Variants in GAS6 observed in about 807,000 individuals in gnomAD.
GAS6 encodes the protein growth arrest-specific protein 6.
A neutral mutation model predicts 75.8 loss-of-function variants in GAS6; 41 were observed. That is an observed-to-expected ratio of 0.54 (90% CI 0.42 to 0.70). The LOEUF is 0.70. Among genes scored for constraint, GAS6 ranks in the 30% least tolerant of loss-of-function variants. The pLI, the probability that GAS6 is intolerant of heterozygous loss-of-function variation, is 0.00. For missense variants in GAS6, 854 were observed against 940.2 expected, an observed-to-expected ratio of 0.91 and a Z score of 1.20; for synonymous variants, 432 against 412.6, an observed-to-expected ratio of 1.05 and a Z score of -0.57.
intron 2 of GAS6, among the ~76,000 whole-genome samples, chr13:113,853,780 T>C (rs376023276): frequency 1.5e-4 from 23 of 152,338 alleles, no homozygotes; most frequent in African/African-American, 5.3e-4. Context: ...GAGCCTTCCT[T>C]TCTCAGCATT....
At chr13:113,853,156 C>G in intron 2 of GAS6, among the ~76,000 whole-genome samples, 1 of 152,230 alleles carries the variant, frequency 6.6e-6, no homozygotes, top group Non-Finnish European at 1.5e-5. Flanking sequence ...AGTGCATTAA[C>G]AAGACAGGAA....
At chr13:113,852,906 T>C (rs939128086) in intron 2 of GAS6, among the ~76,000 whole-genome samples, 9 of 152,126 alleles carry the variant, frequency 5.9e-5, no homozygotes, top group African/African-American at 2.2e-4. Flanking sequence ...GAGCTGTGGT[T>C]CAGAACAAGG....
intron 2 of GAS6, among the ~76,000 whole-genome samples, chr13:113,854,067 T>C (rs2138662081): frequency 6.6e-6 from 1 of 152,296 alleles, no homozygotes; most frequent in South Asian, 2.1e-4. Context: ...ATACCCGGCA[T>C]GCCCATCTGC....
rs975754315 is a variant in GAS6 at position 113,848,118 on chromosome 13, G to C, written c.256-68C>G. ...CTACGAGGGTCTCTGAACAACATAA[G>C]CATCAGCTGGTTAATCAGAGGCTGC... On this transcript the variant is annotated intron_variant, in intron 2 of 14. Transcript: ENST00000327773. This position sits in a 1 kb window ranked among gnomAD's most constrained non-coding sequence, Gnocchi z 4.8. The C allele has an allele frequency of 4.6e-6, 7 of 1,530,862 alleles. No individual in the cohort carries two copies. The Admixed American group carries it at 1.1e-4, about 25-fold the overall frequency. The allele number at this position is 1,530,862 out of a possible 1,614,324, so 94.8% of individuals were successfully genotyped here. A position where few individuals can be genotyped will look rare whatever the true frequency, so the allele number is the denominator to read the frequency against.
At chr13:113,842,961 G>A (rs767441406) in intron 4 of GAS6, 17 of 396,218 alleles carry the variant, frequency 4.3e-5, no homozygotes, top group African/African-American at 1.1e-4. Flanking sequence ...CACCTGCCCC[G>A]GGGCCTCCCC....
In GAS6 at chr13:113,845,584, A is replaced by C. The variant is rs1263328211; in HGVS notation, c.343+943T>G. 1.3e-5 allele frequency: 2 copies of C among 150,446 alleles called. No individual in the cohort carries two copies. The highest frequency in any genetic ancestry group is 3.9e-4 in the East Asian group (2 of 5,194). 9.3% of individuals were successfully genotyped at this position (150,446 alleles called of 1,614,324 possible). A position where few individuals can be genotyped will look rare whatever the true frequency, so the allele number is the denominator to read the frequency against. ...TGATAATTTTAAAATAATAAAAAAG[A>C]CTTGTGGCAAGCTGAAAAAATTTTT... is the stretch of plus-strand genomic sequence containing the variant. On this transcript the variant is annotated intron_variant, in intron 4 of 14. Coordinates refer to ENST00000327773, the MANE Select transcript of GAS6 (RefSeq NM_000820.4). This position sits in a 1 kb window ranked among gnomAD's most constrained non-coding sequence, Gnocchi z 4.3.
chr13:113,823,228 C>T (rs373228215), intron 13 of GAS6, 147 bp downstream of exon 13: 5 of 870,860 alleles, frequency 5.7e-6, no homozygotes, highest in Middle Eastern at 3.7e-4. Flanking sequence ...TGGCCCACGC[C>T]GGGCTTGGCT....
In GAS6 at chr13:113,823,517, G is replaced by A. The variant is rs752994393; in HGVS notation, c.1511C>T (p.Thr504Ile). 1 of 1,612,646 alleles carries A rather than the reference G, an allele frequency of 6.2e-7. No homozygotes were observed. Among genetic ancestry groups the A allele is most frequent in the Non-Finnish European group, 8.5e-7 (1 of 1,179,874 alleles). ...RTPLDVGTES[T>I]WEVEVVAHIR... ...GTGAGCCACGACTTCTACTTCCCAG[G>A]TTGATTCAGTCCCGACGTCCAGAGG... Residue 504 changes from threonine (T) to isoleucine (I), a missense_variant, in exon 13 of 15, where the codon ACC (threonine) becomes ATC (isoleucine). Thr to Ile is a moderately conservative substitution (Grantham distance 89). Coordinates refer to ENST00000327773, the MANE Select transcript of GAS6 (RefSeq NM_000820.4).
At chr13:113,862,046 T>A (rs1170288700) in intron 2 of GAS6, among the ~76,000 whole-genome samples, 1 of 152,240 alleles carries the variant, frequency 6.6e-6, no homozygotes, top group East Asian at 1.9e-4. Flanking sequence ...GATGGGGTCC[T>A]GAGTGCTGTT....
Position 113,837,766 on chromosome 13 carries a change from A to G in GAS6, c.589+303T>C, listed in dbSNP as rs1157577185. On this transcript the variant is annotated intron_variant, in intron 6 of 14. Coordinates refer to ENST00000327773, the MANE Select transcript of GAS6 (RefSeq NM_000820.4). This position sits in a 1 kb window ranked among gnomAD's most constrained non-coding sequence, Gnocchi z 5.1. ...AGCTCACTACACAAGTGCCTGGAGC[A>G]CTTCCAGGCTCTGTGAGGCTCTGGG... is the stretch of plus-strand genomic sequence containing the variant. Among the ~76,000 whole-genome samples, 2 of 152,136 alleles carry G rather than the reference A, an allele frequency of 1.3e-5. No individual in the cohort carries two copies. Among genetic ancestry groups the G allele is most frequent in the Non-Finnish European group, 2.9e-5 (2 of 68,010 alleles).
rs752240529 is a variant in GAS6, at chr13:113,827,054, C to G, written c.1419G>C (p.Val473=). 6.2e-7 allele frequency: 1 copy of G among 1,613,584 alleles called. No individual in the cohort carries two copies. Among genetic ancestry groups the G allele is most frequent in the Non-Finnish European group, 8.5e-7 (1 of 1,179,992 alleles). Residue 473 remains valine (V), a synonymous_variant, in exon 12 of 15, where the codon GTG becomes GTC. Transcript: ENST00000327773. ...CGGGGTAGAAAGAGCCTCTCTCCGT[C>G]ACCGAGAAGCACTGCATCCTCGTGT... ...KVNTRMQCFS[V]TERGSFYPGS... is the part of the protein sequence containing the mutation.
chr13:113,846,863 C>T lies in GAS6; in HGVS notation c.281-274G>A, dbSNP rs2051837858. 3.7e-5 allele frequency: 19 copies of T among 517,796 alleles called. No individual in the cohort carries two copies. The South Asian group carries it at 3.7e-4, about 10-fold the overall frequency. The allele number at this position is 517,796 out of a possible 1,614,324, so 32.1% of individuals were successfully genotyped here. On this transcript the variant is annotated intron_variant, in intron 3 of 14. Transcript: ENST00000327773. ...GCCGTTTCGAGGGGGCTCCTCCTGC[C>T]ATACGGGAGAATCACCGGGAATGCT...
At chr13:113,824,141 TCTGAG>T (rs1286280231) in intron 12 of GAS6, among the ~76,000 whole-genome samples, 3 of 116,054 alleles carry the variant, frequency 2.6e-5, no homozygotes, top group African/African-American at 1.1e-4. Context: ...TGGTCTGGGG[TCTGAG>T]CTGTCGGGAG....
intron 2 of GAS6, among the ~76,000 whole-genome samples, chr13:113,851,961 C>T (rs1401282940): frequency 6.6e-6 from 1 of 152,200 alleles, no homozygotes; most frequent in Non-Finnish European, 1.5e-5. Context: ...ACGGAGGATG[C>T]AGCCATTAGG....
chr13:113,858,734 T>G (rs2051938235), intron 2 of GAS6, among the ~76,000 whole-genome samples: 1 of 152,180 alleles, frequency 6.6e-6, no homozygotes, highest in African/African-American at 2.4e-5. Context: ...TGTGCATGTA[T>G]GTGTACATGT....
intron 2 of GAS6, among the ~76,000 whole-genome samples, chr13:113,858,795 CTGTATG>C (rs1566376146): frequency 7.2e-6 from 1 of 137,980 alleles, no homozygotes; most frequent in East Asian, 2.2e-4. Context: ...ATGTCTGTGA[CTGTATG>C]TATGTCTATG....
intron 2 of GAS6, among the ~76,000 whole-genome samples, chr13:113,858,991 C>T (rs1031925848): frequency 2.7e-5 from 4 of 148,958 alleles, no homozygotes; most frequent in Non-Finnish European, 4.4e-5. Flanking sequence ...TGAATGTGTG[C>T]ATGTATGTAT....
chr13:113,837,288 C>G lies in GAS6; in HGVS notation c.589+781G>C, dbSNP rs186124223. Among the ~76,000 whole-genome samples, 2 of 152,194 alleles carry G rather than the reference C, an allele frequency of 1.3e-5. No individual in the cohort carries two copies. Among genetic ancestry groups the G allele is most frequent in the African/African-American group, 4.8e-5 (2 of 41,510 alleles). ...TTTGAAATCGGGGGATGGGGTGTGG[C>G]CCCTCCTGTCTGGTCAGATTCACTC... On this transcript the variant is annotated intron_variant, in intron 6 of 14. Transcript: ENST00000327773. The surrounding 1 kb of genome is among the most constrained non-coding windows in gnomAD (Gnocchi z 5.1).
At chr13:113,827,466 C>CA (rs2051565137) in intron 11 of GAS6, among the ~76,000 whole-genome samples, 1 of 152,258 alleles carries the variant, frequency 6.6e-6, no homozygotes, top group African/African-American at 2.4e-5. Flanking sequence ...AACCATCCAA[C>CA]ACTCATGTGA....
Sources: gnomAD v4.1 joint callset for allele counts (sites outside exome capture counted in the v4.1 genomes callset) on GRCh38, gnomAD v4.1.1 for gene constraint, Gnocchi (gnomAD v3.1) non-coding constraint, MANE v1.5 for transcripts, NCBI Gene and HGNC (gene_info 2026-07-23, HGNC 2026-07-21) for gene names.